The following ZSCAN5A variants were observed in gnomAD, a reference collection of about 807,000 sequenced individuals.
ZSCAN5A encodes zinc finger and SCAN domain-containing protein 5A.
Under a neutral mutation model 23.7 loss-of-function variants are expected in ZSCAN5A, and 12 were observed. The observed-to-expected ratio is 0.51, with a 90% confidence interval of 0.32 to 0.82. The LOEUF is 0.82. Ranked by LOEUF, ZSCAN5A falls within the 40% of genes least tolerant of loss-of-function variation. The pLI, the probability that ZSCAN5A is intolerant of heterozygous loss-of-function variation, is 0.03. For synonymous variants in ZSCAN5A, 257 were observed against 239.9 expected (o/e 1.07, Z -0.66); for missense variants, 597 against 617.9 (o/e 0.97, Z 0.36).
At chr19:56,238,214 T>C (rs1187751818) in intron 2 of ZSCAN5A, among the ~76,000 whole-genome samples, 1 of 151,888 alleles carries the variant, frequency 6.6e-6, no homozygotes, top group Non-Finnish European at 1.5e-5. Context: ...TTGTGGCATA[T>C]GCTCTTAGTC....
At chr19:56,366,235 G>T (rs1444214749) in intron 1 of ZSCAN5A, among the ~76,000 whole-genome samples, 1 of 152,050 alleles carries the variant, frequency 6.6e-6, no homozygotes, top group Non-Finnish European at 1.5e-5. Flanking sequence ...CGAGGTCAGA[G>T]ATCGAGACCA....
At chr19:56,251,027 G>A (rs564491370) in intron 2 of ZSCAN5A, among the ~76,000 whole-genome samples, 2 of 152,094 alleles carry the variant, frequency 1.3e-5, no homozygotes, top group Admixed American at 6.5e-5. Context: ...GCATGCACCT[G>A]TAGTCCCAGC....
At chr19:56,321,279 C>T (rs2041372959) in intron 2 of ZSCAN5A, 3 of 665,260 alleles carry the variant, frequency 4.5e-6, no homozygotes, top group Admixed American at 2.1e-5. Flanking sequence ...CATCTTTTGC[C>T]AGGGTAAGAA....
chr19:56,247,031 G>A, intron 2 of ZSCAN5A: 1 of 897,068 alleles, frequency 1.1e-6, no homozygotes, highest in Non-Finnish European at 1.9e-6. Context: ...CACCCCAATG[G>A]CCAAGAAGCC....
At chr19:56,319,288 G>T (rs1430031581), upstream of ZSCAN5A, among the ~76,000 whole-genome samples, 1 of 151,928 alleles carries the variant, frequency 6.6e-6, no homozygotes. Context: ...ACGAGGTCAG[G>T]AGTTTGAGAC....
intron 2 of ZSCAN5A, among the ~76,000 whole-genome samples, chr19:56,238,735 GGAAA>G (rs1364501430): frequency 2.0e-5 from 3 of 151,980 alleles, no homozygotes; most frequent in Admixed American, 6.6e-5. Flanking sequence ...GCACACAAAT[GGAAA>G]GATAGTCCAT....
Position 56,224,920 on chromosome 19 carries a change from A to G in ZSCAN5A, c.127T>C (p.Ser43Pro). The change falls in exon 3 of 6, where the codon TCT (serine) becomes CCT (proline). Residue 43 changes from serine (S) to proline (P), a missense_variant. Coordinates refer to ENST00000683990, the MANE Select transcript of ZSCAN5A (RefSeq NM_001322064.3). ...LGNHDVDPEISHVNFRMFSCP... is the reference protein window; with the variant it reads ...LGNHDVDPEIPHVNFRMFSCP... ...CTGAACATCCTGAAGTTCACGTGAG[A>G]AATCTCAGGGTCCACGTCGTGATTT... The G allele has an allele frequency of 6.2e-7, 1 of 1,614,200 alleles. No homozygotes were observed. The highest frequency in any genetic ancestry group is 1.1e-5 in the South Asian group (1 of 91,080).
intron 5 of ZSCAN5A, 37 bp from the exon 6 acceptor site, chr19:56,222,363 C>A (rs373548457): frequency 6.3e-7 from 1 of 1,599,484 alleles, no homozygotes; most frequent in East Asian, 2.2e-5. Context: ...GTTAATAAAG[C>A]GCATTTTCAA....
At chr19:56,266,242 C>T (rs1250592836) in intron 2 of ZSCAN5A, 1 of 152,222 alleles carries the variant, frequency 6.6e-6, no homozygotes, top group East Asian at 1.9e-4. Flanking sequence ...TTACTGCATG[C>T]TTGCTAAAAA....
chr19:56,249,015 C>T (rs2036157670), intron 2 of ZSCAN5A, among the ~76,000 whole-genome samples: 1 of 152,104 alleles, frequency 6.6e-6, no homozygotes, highest in South Asian at 2.1e-4. Flanking sequence ...TCACTGCCCC[C>T]CCCGAATCCT....
At chr19:56,347,053 A>C (rs2041638877) in intron 2 of ZSCAN5A, 1 of 152,240 alleles carries the variant, frequency 6.6e-6, no homozygotes, top group Admixed American at 6.5e-5. Flanking sequence ...TAACCGAGCA[A>C]GTTACAGAGA....
At chr19:56,316,723 T>G (rs1235394441), upstream of ZSCAN5A, 1 of 152,370 alleles carries the variant, frequency 6.6e-6, no homozygotes, top group Non-Finnish European at 1.5e-5. Context: ...GTTCATTCAA[T>G]CTTTGTTTTC....
chr19:56,343,292 A>T, intron 2 of ZSCAN5A: 1 of 770,206 alleles, frequency 1.3e-6, no homozygotes, highest in Admixed American at 2.2e-5. Context: ...AGGAGAAGCC[A>T]CTAGTTTCTG....
In ZSCAN5A at chr19:56,229,299, A is replaced by T. The variant is rs143610987; in HGVS notation, c.-127-4126T>A. On this transcript the variant is annotated intron_variant, in intron 2 of 5. Coordinates refer to ENST00000683990, the MANE Select transcript of ZSCAN5A (RefSeq NM_001322064.3). Reference sequence around the variant, plus strand: ...CTGGTTTAAATCCTTGGAAAATCTTAAGCCGCTTCACTCTGGGAACTTCAA... The same window carrying T: ...CTGGTTTAAATCCTTGGAAAATCTTTAGCCGCTTCACTCTGGGAACTTCAA... Among the ~76,000 whole-genome samples the T allele has an allele frequency of 8.7e-3, 1,327 of 152,286 alleles. 21 individuals carry two copies. Among genetic ancestry groups the T allele is most frequent in the African/African-American group, 0.03 (1,260 of 41,564 alleles).
upstream of ZSCAN5A, among the ~76,000 whole-genome samples, chr19:56,319,330 T>A (rs2041349664): frequency 6.6e-6 from 1 of 151,784 alleles, no homozygotes; most frequent in Non-Finnish European, 1.5e-5. Context: ...ACCCCATCTC[T>A]ACTAAAAATA....
At chr19:56,319,239 T>C (rs1172851495), upstream of ZSCAN5A, among the ~76,000 whole-genome samples, 3 of 152,066 alleles carry the variant, frequency 2.0e-5, no homozygotes, top group African/African-American at 7.2e-5. Context: ...GGCTCACGAC[T>C]GTAATCCCAG....
intron 2 of ZSCAN5A, among the ~76,000 whole-genome samples, chr19:56,326,305 T>TTGTGTGTGTGTG (rs368735639): frequency 0.014 from 2,011 of 145,600 alleles, 48 homozygotes; most frequent in African/African-American, 0.045. Flanking sequence ...ACAGTTACCA[T>TTGTGTGTGTGTG]TGTGTGTGTG....
intron 4 of ZSCAN5A, among the ~76,000 whole-genome samples, 153 bp from the exon 5 acceptor site, chr19:56,222,894 C>T (rs186575487): frequency 7.2e-5 from 11 of 152,258 alleles, no homozygotes; most frequent in East Asian, 1.9e-4. Flanking sequence ...CATCACCCCA[C>T]GTAAACATCA....
At chr19:56,229,468 T>G (rs1013163278) in intron 2 of ZSCAN5A, among the ~76,000 whole-genome samples, 8 of 152,226 alleles carry the variant, frequency 5.3e-5, no homozygotes, top group African/African-American at 1.7e-4. Flanking sequence ...TTGTTACATT[T>G]TTTCTTGTTT....
Sources: gnomAD v4.1 joint callset for allele counts (sites outside exome capture counted in the v4.1 genomes callset) on GRCh38, gnomAD v4.1.1 for gene constraint, MANE v1.5 for transcripts, NCBI Gene and HGNC (gene_info 2026-07-23, HGNC 2026-07-21) for gene names.